The following DCBLD1 variants were observed in gnomAD, a reference collection of about 807,000 sequenced individuals.
DCBLD1 encodes the protein discoidin, CUB and LCCL domain-containing protein 1.
In DCBLD1, 57 loss-of-function variants were observed where a neutral mutation model predicts 71.5. That is an observed-to-expected ratio of 0.80 (90% CI 0.64 to 0.99). The LOEUF (loss-of-function observed/expected upper bound fraction) is 0.99. Ranked by LOEUF, DCBLD1 falls within the 50% of genes least tolerant of loss-of-function variation. The pLI is 0.00. For missense variants in DCBLD1, 891 were observed against 923.5 expected (o/e 0.96, Z 0.46); for synonymous variants, 380 against 363.8 (o/e 1.04, Z -0.51).
chr6:117,487,575 G>T (rs1396633694), intron 1 of DCBLD1, among the ~76,000 whole-genome samples: 1 of 152,142 alleles, frequency 6.6e-6, no homozygotes, highest in Non-Finnish European at 1.5e-5. Context: ...AGTGAGCTGA[G>T]ATTGAGCCAC....
chr6:117,489,794 A>G (rs1202563404), intron 1 of DCBLD1, among the ~76,000 whole-genome samples: 2 of 152,196 alleles, frequency 1.3e-5, no homozygotes, highest in African/African-American at 4.8e-5. Context: ...CTGAGGCAGG[A>G]GAATGGCGTG....
intron 5 of DCBLD1, among the ~76,000 whole-genome samples, chr6:117,528,464 C>T (rs974629174): frequency 1.3e-5 from 2 of 152,248 alleles, no homozygotes; most frequent in African/African-American, 2.4e-5. Flanking sequence ...TTTTGTTACA[C>T]TTCCTTTTAA....
chr6:117,545,698 T>A, intron 14 of DCBLD1, 101 bp downstream of exon 14: 1 of 1,459,018 alleles, frequency 6.9e-7, no homozygotes, highest in Non-Finnish European at 9.2e-7. Context: ...TCTATTTAGA[T>A]AGGGTCCAGT....
At chr6:117,554,771 T>C (rs184284977), downstream of DCBLD1, among the ~76,000 whole-genome samples, 27 of 152,036 alleles carry the variant, frequency 1.8e-4, no homozygotes, top group East Asian at 5.2e-3. Flanking sequence ...CTTGTGCCTG[T>C]AGTCCCAGCT....
chr6:117,542,091 G>A (rs529912937), intron 11 of DCBLD1, among the ~76,000 whole-genome samples: 1 of 152,082 alleles, frequency 6.6e-6, no homozygotes, highest in Non-Finnish European at 1.5e-5. Context: ...TCAGGAGTCC[G>A]AGACCAGCCC....
chr6:117,513,425 C>T (rs190549717), intron 2 of DCBLD1, among the ~76,000 whole-genome samples: 220 of 152,322 alleles, frequency 1.4e-3, no homozygotes, highest in African/African-American at 5.0e-3. Flanking sequence ...TGCCACAGTG[C>T]TGTTCCATTT....
intron 1 of DCBLD1, among the ~76,000 whole-genome samples, chr6:117,500,542 C>T (rs1016644974): frequency 8.5e-5 from 13 of 152,068 alleles, no homozygotes; most frequent in African/African-American, 3.1e-4. Flanking sequence ...TGGAAGTGGT[C>T]GGAAAGAAAT....
At chr6:117,545,457 T>C (rs1236180447) in intron 13 of DCBLD1, 21 bp from the exon 14 acceptor site, 10 of 1,611,984 alleles carry the variant, frequency 6.2e-6, no homozygotes, top group Non-Finnish European at 8.5e-6. Flanking sequence ...ATTCATTTGG[T>C]TTATGTTACC....
Position 117,541,042 on chromosome 6 carries a change from C to T in DCBLD1, c.1357+17C>T. The stretch of plus-strand genomic sequence containing the variant: ...CATCCACAGGTAGAGCCGTGATTGT[C>T]TGTGGTTTCATAAGGAGCATAACTG... On this transcript the variant is annotated intron_variant, in intron 11 of 14. Transcript: ENST00000338728. 1.9e-6 allele frequency: 3 copies of T among 1,613,154 alleles called. No individual in the cohort carries two copies. The highest frequency in any genetic ancestry group is 2.5e-6 in the Non-Finnish European group (3 of 1,179,218).
At chr6:117,507,392 C>T (rs1453672415) in intron 2 of DCBLD1, among the ~76,000 whole-genome samples, 1 of 152,148 alleles carries the variant, frequency 6.6e-6, no homozygotes, top group Non-Finnish European at 1.5e-5. Flanking sequence ...TATTCTTCTT[C>T]TGTTTGTCAT....
rs993974393 is a variant in DCBLD1 at position 117,511,278 on chromosome 6, G to A, written c.325+7299G>A. The stretch of plus-strand genomic sequence containing the variant: ...AGTGGGAGTCTGAGAAATCACTTAC[G>A]TAGAGTTCCAGTATAAGTTGAAAGT... On this transcript the variant is annotated intron_variant, in intron 2 of 14. Coordinates refer to ENST00000338728, the MANE Select transcript of DCBLD1 (RefSeq NM_001366458.2). Among the ~76,000 whole-genome samples, 17 of 152,324 alleles carry A rather than the reference G, an allele frequency of 1.1e-4. No homozygotes were observed. In the East Asian group the frequency reaches 3.1e-3, roughly 28 times the overall value.
At chr6:117,533,645 A>G (rs1778795465) in intron 6 of DCBLD1, among the ~76,000 whole-genome samples, 1 of 152,234 alleles carries the variant, frequency 6.6e-6, no homozygotes. Flanking sequence ...TTACGAACTC[A>G]CATATAAACT....
intron 1 of DCBLD1, 53 bp downstream of exon 1, chr6:117,482,946 T>C (rs909896066): frequency 2.1e-5 from 24 of 1,134,970 alleles, no homozygotes; most frequent in Admixed American, 1.0e-4. Context: ...AGGGGCGGGC[T>C]GAGGGCTGCG....
rs1457310931 is a variant in DCBLD1, at chr6:117,548,030, G to T, written c.1739G>T (p.Cys580Phe). The change falls in exon 15 of 15, where the codon TGC becomes TTC. Residue 580 changes from cysteine to phenylalanine, a missense_variant. Transcript: ENST00000338728. The part of the protein sequence containing the change: ...VSTDAGGHYD[C>F]PQRAGRHEYA... ...ACCGATGCCGGCGGCCACTATGACTGCCCGCAGCGGGCCGGCCGCCACGAG... is the reference window on the plus strand; with the variant it reads ...ACCGATGCCGGCGGCCACTATGACTTCCCGCAGCGGGCCGGCCGCCACGAG... The T allele has an allele frequency of 7.1e-6, 11 of 1,549,600 alleles. No individual in the cohort carries two copies. Among genetic ancestry groups the T allele is most frequent in the Non-Finnish European group, 8.7e-6 (10 of 1,146,518 alleles).
rs1278848024 is a variant in DCBLD1 at position 117,482,699 on chromosome 6, A to T, written c.-83A>T. The T allele has an allele frequency of 4.6e-6, 5 of 1,091,328 alleles. No homozygotes were observed. The East Asian group carries it at 2.8e-4, about 61-fold the overall frequency. 67.6% of individuals were successfully genotyped at this position (1,091,328 alleles called of 1,614,324 possible). On this transcript the variant is annotated 5_prime_UTR_variant, in exon 1 of 15. Coordinates refer to ENST00000338728, the MANE Select transcript of DCBLD1 (RefSeq NM_001366458.2). ...GTCCCGGCGCCGCGCTCGTCCGCAG[A>T]GGAGGCGGCCCGGCCCGGGCAGCTG...
chr6:117,517,783 G>T (rs1778252606), intron 2 of DCBLD1, among the ~76,000 whole-genome samples: 2 of 152,264 alleles, frequency 1.3e-5, no homozygotes, highest in South Asian at 4.1e-4. Context: ...GCCATAGCTG[G>T]AGCAGCTGGG....
At chr6:117,483,425 GC>G (rs1385571547) in intron 1 of DCBLD1, among the ~76,000 whole-genome samples, 2 of 152,196 alleles carry the variant, frequency 1.3e-5, no homozygotes, top group African/African-American at 2.4e-5. Context: ...GGGCACGTTT[GC>G]CGAGGTTGGC....
At chr6:117,517,037 C>T (rs1778224111) in intron 2 of DCBLD1, among the ~76,000 whole-genome samples, 1 of 152,196 alleles carries the variant, frequency 6.6e-6, no homozygotes, top group Non-Finnish European at 1.5e-5. Context: ...CCAACAGTCC[C>T]CCAAAGTCTT....
At chr6:117,495,085 T>C (rs1187627184) in intron 1 of DCBLD1, among the ~76,000 whole-genome samples, 5 of 152,142 alleles carry the variant, frequency 3.3e-5, no homozygotes, top group African/African-American at 7.2e-5. Context: ...CCACCCAGAC[T>C]AGTACCACAG....
Sources: gnomAD v4.1 joint callset for allele counts (sites outside exome capture counted in the v4.1 genomes callset) on GRCh38, gnomAD v4.1.1 for gene constraint, MANE v1.5 for transcripts, NCBI Gene and HGNC (gene_info 2026-07-23, HGNC 2026-07-21) for gene names.